The following CDH4 variants were observed in gnomAD, a reference collection of about 807,000 sequenced individuals.
CDH4 encodes cadherin-4.
CDH4 carries 33 observed loss-of-function variants against 86.0 expected under a neutral mutation model. The observed-to-expected ratio is 0.38, with a 90% CI of 0.29 to 0.51. The LOEUF is 0.51. CDH4 is among the 20% of genes least tolerant of loss of function. The probability of loss-of-function intolerance (pLI) is 0.86; values close to 1 mark genes in which losing one functional copy is unlikely to be tolerated. For synonymous variants in CDH4, 555 were observed against 549.4 expected, an observed-to-expected ratio of 1.01 and a Z score of -0.14; for missense variants, 1,114 against 1,307.4, an observed-to-expected ratio of 0.85 and a Z score of 2.28.
rs113607238 is a variant in CDH4 at position 61,524,488 on chromosome 20, C to CTT, written c.170-219062_170-219061dup. 5.2e-3 allele frequency among the ~76,000 whole-genome samples: 759 copies of CTT among 145,838 alleles called. 3 individuals carry two copies. The highest frequency in any genetic ancestry group is 0.014 in the Middle Eastern group (4 of 282). ...TTTTGCAACTTCTATGAATATTACA[C>CTT]TTTTTTTTTTTTTTAAGACAGAGTC... is the stretch of plus-strand genomic sequence containing the variant. On this transcript the variant is annotated intron_variant, in intron 2 of 15. Coordinates refer to ENST00000614565, the MANE Select transcript of CDH4 (RefSeq NM_001794.5).
At chr20:61,492,582 G>T (rs1177551469) in intron 2 of CDH4, among the ~76,000 whole-genome samples, 3 of 152,152 alleles carry the variant, frequency 2.0e-5, no homozygotes, top group Non-Finnish European at 2.9e-5. Flanking sequence ...CTGCAAGTTT[G>T]TTTTCCTGAT....
At position 61,937,892 on chromosome 20, in the gene CDH4, A is replaced by G. The variant is rs11554973; in HGVS notation, c.*949A>G. 65,286 of 152,228 alleles carry G rather than the reference A, an allele frequency of 0.43. 14,404 individuals carry two copies. The highest frequency in any genetic ancestry group is 0.49 in the Middle Eastern group (146 of 296). 9.4% of individuals were successfully genotyped at this position (152,228 alleles called of 1,614,324 possible). A position where few individuals can be genotyped will look rare whatever the true frequency, so the allele number is the denominator to read the frequency against. On this transcript the variant is annotated 3_prime_UTR_variant, in exon 16 of 16. Coordinates refer to ENST00000614565, the MANE Select transcript of CDH4 (RefSeq NM_001794.5). ...ATCAACGGCCCCGCGACAGGCATCA[A>G]TTCAAACCCCAGGACACTCTCGACA...
At chr20:61,442,266 G>A (rs934425051) in intron 2 of CDH4, among the ~76,000 whole-genome samples, 3 of 152,182 alleles carry the variant, frequency 2.0e-5, no homozygotes, top group African/African-American at 7.2e-5. Context: ...GTGTGTGTCC[G>A]AGGAAGGGCC....
At chr20:61,558,901 C>A (rs1216028580) in intron 2 of CDH4, among the ~76,000 whole-genome samples, 1 of 152,258 alleles carries the variant, frequency 6.6e-6, no homozygotes, top group African/African-American at 2.4e-5. Flanking sequence ...GGCTTTGCTG[C>A]CTGCCAGCTG....
rs1317977187 is a variant in CDH4 at position 61,684,190 on chromosome 20, G to A, written c.170-59373G>A. Among the ~76,000 whole-genome samples, 1 of 152,222 alleles carries A rather than the reference G, an allele frequency of 6.6e-6. No homozygotes were observed. Among genetic ancestry groups the A allele is most frequent in the Non-Finnish European group, 1.5e-5 (1 of 68,040 alleles). On this transcript the variant is annotated intron_variant, in intron 2 of 15. Transcript: ENST00000614565. The surrounding 1 kb of genome is among the most constrained non-coding windows in gnomAD (Gnocchi z 4.5). ...TCTAGAAACCCCCAAAGGAATAAATGCAGCCGTTGCTGCTGGTGAAGGAGG... is the reference window on the plus strand; with the variant it reads ...TCTAGAAACCCCCAAAGGAATAAATACAGCCGTTGCTGCTGGTGAAGGAGG...
chr20:61,531,791 G>A (rs554942158), intron 2 of CDH4, among the ~76,000 whole-genome samples: 3 of 152,338 alleles, frequency 2.0e-5, no homozygotes, highest in Admixed American at 6.5e-5. Context: ...GGCCTGGAGC[G>A]AGTGCTCTCA....
intron 4 of CDH4, among the ~76,000 whole-genome samples, chr20:61,790,416 C>G (rs2146014446): frequency 1.3e-5 from 2 of 149,612 alleles, no homozygotes; most frequent in Non-Finnish European, 1.5e-5. Context: ...ATCTACCCAT[C>G]TATCCATTCA....
Position 61,844,954 on chromosome 20 carries a change from A to T in CDH4, c.732+131A>T, listed in dbSNP as rs1007745330. The T allele has an allele frequency of 3.2e-5, 31 of 954,910 alleles. No homozygotes were observed. The African/African-American group carries it at 5.0e-4, about 15-fold the overall frequency. 59.2% of individuals were successfully genotyped at this position (954,910 alleles called of 1,614,324 possible). A position where few individuals can be genotyped will look rare whatever the true frequency, so the allele number is the denominator to read the frequency against. On this transcript the variant is annotated intron_variant, in intron 5 of 15. Coordinates refer to ENST00000614565, the MANE Select transcript of CDH4 (RefSeq NM_001794.5). ...AGGCAGCACTCCAACTTTGGCCTGG[A>T]GCAGAATCCTGGGAAGCTGGGGAAA...
At chr20:61,634,785 C>T (rs1054854009) in intron 2 of CDH4, among the ~76,000 whole-genome samples, 1 of 152,210 alleles carries the variant, frequency 6.6e-6, no homozygotes, top group African/African-American at 2.4e-5. Context: ...AAATAAAATT[C>T]TGTCCCCATT....
At chr20:61,896,069 G>A (rs1026459298) in intron 8 of CDH4, among the ~76,000 whole-genome samples, 1 of 152,200 alleles carries the variant, frequency 6.6e-6, no homozygotes, top group Non-Finnish European at 1.5e-5. Context: ...CTAGGCCCCC[G>A]CAGAGCTGTG....
intron 9 of CDH4, among the ~76,000 whole-genome samples, chr20:61,911,920 A>C (rs1044431398): frequency 1.1e-4 from 16 of 152,208 alleles, no homozygotes; most frequent in Non-Finnish European, 2.2e-4. Context: ...AACCACAGAA[A>C]TTTAAATACT....
chr20:61,567,954 C>G (rs1041839480), intron 2 of CDH4, among the ~76,000 whole-genome samples: 1 of 152,082 alleles, frequency 6.6e-6, no homozygotes, highest in South Asian at 2.1e-4. Flanking sequence ...GCCTGGATGA[C>G]AGAGTGAAAC....
intron 7 of CDH4, among the ~76,000 whole-genome samples, chr20:61,889,892 GGATGGATGGATAGAT>G (rs1984733102): frequency 6.7e-6 from 1 of 149,808 alleles, no homozygotes; most frequent in South Asian, 2.2e-4. Context: ...GTGAGTGAAT[GGATGGATGGATAGAT>G]GATGGATGGG....
At chr20:61,455,887 A>C (rs1220097362) in intron 2 of CDH4, among the ~76,000 whole-genome samples, 2 of 152,154 alleles carry the variant, frequency 1.3e-5, no homozygotes, top group Non-Finnish European at 2.9e-5. Flanking sequence ...GGATAGATGG[A>C]TATATGGGTG....
chr20:61,886,498 G>T (rs1029652474), intron 7 of CDH4, among the ~76,000 whole-genome samples: 2 of 152,226 alleles, frequency 1.3e-5, no homozygotes, highest in Non-Finnish European at 2.9e-5. Flanking sequence ...AAGCAGGAAG[G>T]GTAGGGGCCC....
At chr20:61,494,266 A>G (rs1042785786) in intron 2 of CDH4, among the ~76,000 whole-genome samples, 2 of 152,142 alleles carry the variant, frequency 1.3e-5, no homozygotes, top group African/African-American at 4.8e-5. Flanking sequence ...CTCTAAACTC[A>G]ATAAGGAGAC....
At chr20:61,744,188 C>T (rs1244761748) in intron 3 of CDH4, among the ~76,000 whole-genome samples, 7 of 152,156 alleles carry the variant, frequency 4.6e-5, no homozygotes, top group East Asian at 1.9e-4. Flanking sequence ...GAGAAGCAAG[C>T]GGAGACTGTG....
At chr20:61,424,122 C>T (rs2085196730) in intron 2 of CDH4, among the ~76,000 whole-genome samples, 2 of 151,934 alleles carry the variant, frequency 1.3e-5, no homozygotes, top group African/African-American at 2.4e-5. Context: ...ACATAGCACA[C>T]ATGTATCCAC....
At chr20:61,380,342 T>C (rs1483855228) in intron 2 of CDH4, among the ~76,000 whole-genome samples, 2 of 152,204 alleles carry the variant, frequency 1.3e-5, no homozygotes, top group African/African-American at 4.8e-5. Context: ...CATTTGCAGA[T>C]GAATCACACT....
Sources: gnomAD v4.1 joint callset for allele counts (sites outside exome capture counted in the v4.1 genomes callset) on GRCh38, gnomAD v4.1.1 for gene constraint, Gnocchi (gnomAD v3.1) non-coding constraint, MANE v1.5 for transcripts, NCBI Gene and HGNC (gene_info 2026-07-23, HGNC 2026-07-21) for gene names.